The following KCNK3 variants were observed in gnomAD, a reference collection of about 807,000 sequenced individuals.
KCNK3 encodes potassium channel subfamily K member 3.
In KCNK3, 9 loss-of-function variants were observed where a neutral mutation model predicts 27.3. The observed-to-expected ratio is 0.33, with a 90% confidence interval of 0.20 to 0.57. The LOEUF is 0.57. Ranked by LOEUF, KCNK3 falls within the 20% of genes least tolerant of loss-of-function variation. The probability of loss-of-function intolerance (pLI) is 0.87; values close to 1 mark genes in which losing one functional copy is unlikely to be tolerated. For synonymous variants in KCNK3, 278 were observed against 273.8 expected (o/e 1.02, Z -0.15); for missense variants, 391 against 577.7 (o/e 0.68, Z 3.31).
At chr2:26,708,694 T>C (rs1663040194) in intron 1 of KCNK3, among the ~76,000 whole-genome samples, 1 of 152,112 alleles carries the variant, frequency 6.6e-6, no homozygotes, top group Admixed American at 6.5e-5. Context: ...AATAAAAAAA[T>C]AAAAATAAAA....
intron 1 of KCNK3, among the ~76,000 whole-genome samples, chr2:26,712,861 C>T (rs1663150409): frequency 6.6e-6 from 1 of 152,154 alleles, no homozygotes; most frequent in Admixed American, 6.5e-5. Flanking sequence ...ATCTGAGCTC[C>T]TGAGCCCTGG....
chr2:26,700,343 A>G (rs1670292276), intron 1 of KCNK3, among the ~76,000 whole-genome samples: 1 of 152,244 alleles, frequency 6.6e-6, no homozygotes, highest in Non-Finnish European at 1.5e-5. Context: ...CTCATTGTGC[A>G]GAAACTGCCC....
chr2:26,707,675 T>C (rs1379606261), intron 1 of KCNK3, among the ~76,000 whole-genome samples: 2 of 152,188 alleles, frequency 1.3e-5, no homozygotes, highest in African/African-American at 4.8e-5. Context: ...AGGGTGCTGC[T>C]GATGGTCCGC....
At chr2:26,714,886 AAAATAAATAAATAAAT>A (rs56401258) in intron 1 of KCNK3, among the ~76,000 whole-genome samples, 8 of 145,810 alleles carry the variant, frequency 5.5e-5, no homozygotes, top group Non-Finnish European at 1.0e-4. Flanking sequence ...ACTCCATCTC[AAAATAAATAAATAAAT>A]AAATAAATAA....
intron 1 of KCNK3, among the ~76,000 whole-genome samples, chr2:26,726,102 C>CAGAGAGAGAGAG (rs775668682): frequency 6.6e-5 from 9 of 136,134 alleles, no homozygotes; most frequent in African/African-American, 2.0e-4. Context: ...CACACACACA[C>CAGAGAGAGAGAG]ACACAGAGAG....
intron 1 of KCNK3, among the ~76,000 whole-genome samples, chr2:26,702,613 C>T (rs1441765673): frequency 6.6e-6 from 1 of 152,122 alleles, no homozygotes; most frequent in Admixed American, 6.5e-5. Context: ...ATTGCACTGC[C>T]TCAAGAGGTA....
At chr2:26,717,521 C>T (rs1049765904) in intron 1 of KCNK3, among the ~76,000 whole-genome samples, 4 of 152,240 alleles carry the variant, frequency 2.6e-5, no homozygotes, top group African/African-American at 9.6e-5. Flanking sequence ...AGGGCCAAGT[C>T]CACTTTAAAT....
chr2:26,705,177 C>G (rs1670357510), intron 1 of KCNK3, among the ~76,000 whole-genome samples: 1 of 152,134 alleles, frequency 6.6e-6, no homozygotes, highest in Non-Finnish European at 1.5e-5. Context: ...GTTGCCCAAG[C>G]TGGTCTCAAA....
In KCNK3 at chr2:26,728,468, T is replaced by G; in HGVS notation, c.1085T>G (p.Leu362Arg). 6.4e-7 allele frequency: 1 copy of G among 1,562,808 alleles called. No individual in the cohort carries two copies. The highest frequency in any genetic ancestry group is 8.7e-7 in the Non-Finnish European group (1 of 1,151,378). Reference protein sequence around the residue: ...RYSDTPSRRCLCSGAPRSAIS... With the variant: ...RYSDTPSRRCRCSGAPRSAIS... Reference sequence around the variant, plus strand: ...AGCGACACGCCCTCGCGACGCTGCCTGTGCAGCGGGGCGCCACGCTCCGCC... The same window carrying G: ...AGCGACACGCCCTCGCGACGCTGCCGGTGCAGCGGGGCGCCACGCTCCGCC... The change falls in exon 2 of 2, where the codon CTG becomes CGG. Residue 362 changes from leucine (L) to arginine (R), a missense_variant. By Grantham distance (102) the Leu-to-Arg change is moderately radical. Coordinates refer to ENST00000302909, the MANE Select transcript of KCNK3 (RefSeq NM_002246.3).
intron 1 of KCNK3, among the ~76,000 whole-genome samples, chr2:26,703,974 C>T (rs1334183736): frequency 2.0e-5 from 3 of 152,266 alleles, no homozygotes; most frequent in Non-Finnish European, 2.9e-5. Context: ...TGGACAAGCA[C>T]TGGAAGACAG....
At position 26,729,024 on chromosome 2, in the gene KCNK3, C is replaced by G. The variant is rs1663487089; in HGVS notation, c.*456C>G. 2.5e-5 allele frequency: 4 copies of G among 156,964 alleles called. No homozygotes were observed. In the Admixed American group the frequency reaches 2.6e-4, roughly 10 times the overall value. The allele number at this position is 156,964 out of a possible 1,614,324, so 9.7% of individuals were successfully genotyped here. ...CCAGGGTGTCTATGTCCAAGTCACC[C>G]CTACTCAGCCCCACTCCCCTTCCTC... is the stretch of plus-strand genomic sequence containing the variant. On this transcript the variant is annotated 3_prime_UTR_variant, in exon 2 of 2. Coordinates refer to ENST00000302909, the MANE Select transcript of KCNK3 (RefSeq NM_002246.3).
chr2:26,703,885 C>T (rs922538706), intron 1 of KCNK3, among the ~76,000 whole-genome samples: 1 of 152,128 alleles, frequency 6.6e-6, no homozygotes, highest in African/African-American at 2.4e-5. Flanking sequence ...ATGACACACG[C>T]CAGGGCATGA....
chr2:26,717,997 C>T (rs1295459765), intron 1 of KCNK3, among the ~76,000 whole-genome samples: 1 of 152,184 alleles, frequency 6.6e-6, no homozygotes, highest in Non-Finnish European at 1.5e-5. Context: ...CAGTTTCACC[C>T]ATGAATGCAG....
intron 1 of KCNK3, among the ~76,000 whole-genome samples, chr2:26,697,656 G>A (rs957412300): frequency 6.6e-6 from 1 of 152,118 alleles, no homozygotes; most frequent in Non-Finnish European, 1.5e-5. Flanking sequence ...CCTGCCATGG[G>A]CTCGCAGGTG....
At chr2:26,694,547 G>A (rs754944973) in intron 1 of KCNK3, among the ~76,000 whole-genome samples, 3 of 152,152 alleles carry the variant, frequency 2.0e-5, no homozygotes, top group South Asian at 2.1e-4. Flanking sequence ...ATGCTGTGTC[G>A]TTTCTGGATT....
intron 1 of KCNK3, among the ~76,000 whole-genome samples, chr2:26,725,356 T>C (rs1572614685): frequency 6.6e-6 from 1 of 152,118 alleles, no homozygotes; most frequent in East Asian, 1.9e-4. Context: ...TAGCTCTAGC[T>C]CAATCTTCCA....
chr2:26,712,013 A>C (rs1663126410), intron 1 of KCNK3, among the ~76,000 whole-genome samples: 1 of 152,176 alleles, frequency 6.6e-6, no homozygotes, highest in Non-Finnish European at 1.5e-5. Context: ...ATAAACAGGC[A>C]GCCTCTATAG....
chr2:26,704,790 G>C (rs1479993929), intron 1 of KCNK3, among the ~76,000 whole-genome samples: 1 of 152,244 alleles, frequency 6.6e-6, no homozygotes, highest in Non-Finnish European at 1.5e-5. Flanking sequence ...GCCCTGGACT[G>C]TTCCACACAG....
Position 26,706,474 on chromosome 2 carries a change from G to T in KCNK3, c.283+13316G>T, listed in dbSNP as rs73920341. ...AAATCTGGGGTTGGGGCCAGGCTGA[G>T]CCAGGGTGCCCCCTTCTTCAGCATG... On this transcript the variant is annotated intron_variant, in intron 1 of 1. Coordinates refer to ENST00000302909, the MANE Select transcript of KCNK3 (RefSeq NM_002246.3). Among the ~76,000 whole-genome samples the T allele has an allele frequency of 1.3e-3, 195 of 152,290 alleles. 1 individual carries two copies. The highest frequency in any genetic ancestry group is 4.6e-3 in the African/African-American group (192 of 41,580).
Sources: allele counts gnomAD v4.1 joint callset (sites outside exome capture counted in the v4.1 genomes callset), GRCh38; gene constraint gnomAD v4.1.1; transcripts MANE v1.5; gene names NCBI Gene and HGNC (gene_info 2026-07-23, HGNC 2026-07-21).